Variants in DGKI observed in about 807,000 individuals in gnomAD.
DGKI encodes DAG kinase iota.
A neutral mutation model predicts 147.5 loss-of-function variants in DGKI; 55 were observed. The ratio of observed to expected loss-of-function variants is 0.37; its 90% CI spans 0.30 to 0.47. The LOEUF (loss-of-function observed/expected upper bound fraction) is 0.47. Among genes scored for constraint, DGKI ranks in the 20% least tolerant of loss-of-function variants. DGKI has a pLI of 1.00. For missense variants in DGKI, 1,007 were observed against 1,323.8 expected, an observed-to-expected ratio of 0.76 and a Z score of 3.71; for synonymous variants, 469 against 477.1, an observed-to-expected ratio of 0.98 and a Z score of 0.22.
intron 28 of DGKI, among the ~76,000 whole-genome samples, chr7:137,416,583 C>G (rs1254056155): frequency 6.6e-6 from 1 of 152,128 alleles, no homozygotes; most frequent in African/African-American, 2.4e-5. Context: ...ATTTTATTCT[C>G]CTGGTGATGA....
chr7:137,514,355 C>G (rs560823525), intron 21 of DGKI, among the ~76,000 whole-genome samples: 8 of 152,154 alleles, frequency 5.3e-5, no homozygotes, highest in African/African-American at 1.9e-4. Context: ...TATTTGCACA[C>G]GAATCCTCTC....
At chr7:137,391,423 A>G in intron 32 of DGKI, 87 bp from the exon 33 acceptor site, 2 of 953,218 alleles carry the variant, frequency 2.1e-6, no homozygotes, top group South Asian at 1.6e-5. Context: ...AAAACAAAAC[A>G]AAACAAAAAT....
intron 20 of DGKI, among the ~76,000 whole-genome samples, chr7:137,536,536 A>G (rs1257296088): frequency 3.3e-5 from 5 of 152,170 alleles, no homozygotes; most frequent in African/African-American, 1.2e-4. Context: ...CTCATGTTAC[A>G]GATTTTTGGA....
intron 3 of DGKI, among the ~76,000 whole-genome samples, chr7:137,660,218 G>A (rs892593787): frequency 3.9e-5 from 6 of 152,098 alleles, no homozygotes; most frequent in African/African-American, 1.4e-4. Context: ...TGTGTGGTAC[G>A]GGGTGGGCAG....
intron 10 of DGKI, among the ~76,000 whole-genome samples, chr7:137,605,164 C>T (rs1820132390): frequency 6.6e-6 from 1 of 151,884 alleles, no homozygotes; most frequent in East Asian, 1.9e-4. Context: ...AGAAATTAGC[C>T]TGGTGTGGTG....
chr7:137,657,037 C>A (rs1306145082), intron 3 of DGKI, among the ~76,000 whole-genome samples: 1 of 152,230 alleles, frequency 6.6e-6, no homozygotes, highest in Non-Finnish European at 1.5e-5. Context: ...TTTTAGGCTT[C>A]TATCCCAGGC....
chr7:137,725,531 G>C, intron 1 of DGKI, among the ~76,000 whole-genome samples: 1 of 151,076 alleles, frequency 6.6e-6, no homozygotes, highest in Admixed American at 6.6e-5. Flanking sequence ...TGTCCTCTCA[G>C]CATGAAAAAG....
At chr7:137,725,496 T>A (rs946562885) in intron 1 of DGKI, among the ~76,000 whole-genome samples, 1 of 151,842 alleles carries the variant, frequency 6.6e-6, no homozygotes, top group Admixed American at 6.6e-5. Context: ...CACAAGACGA[T>A]AAAGCCTTGG....
chr7:137,769,947 A>T (rs1796132353), intron 1 of DGKI, among the ~76,000 whole-genome samples: 1 of 152,202 alleles, frequency 6.6e-6, no homozygotes, highest in African/African-American at 2.4e-5. Context: ...CAGAAATACC[A>T]TTGGACCCAG....
intron 20 of DGKI, 111 bp downstream of exon 20, chr7:137,552,258 T>C (rs1646371): frequency 0.043 from 48,996 of 1,126,460 alleles, 4,398 homozygotes; most frequent in African/African-American, 0.3. Context: ...CTGAGTCTCC[T>C]GGACTTTTTT....
intron 32 of DGKI, among the ~76,000 whole-genome samples, chr7:137,392,986 T>C (rs554234021): frequency 2.3e-4 from 35 of 152,326 alleles, no homozygotes; most frequent in Admixed American, 7.2e-4. Flanking sequence ...GTAAGACCTC[T>C]AGAATATAAC....
intron 30 of DGKI, among the ~76,000 whole-genome samples, chr7:137,405,249 T>C (rs1279806426): frequency 2.6e-5 from 1 of 38,522 alleles, no homozygotes; most frequent in African/African-American, 4.9e-5. Flanking sequence ...ATTGTTATCA[T>C]TTTTTTTTCT....
intron 23 of DGKI, among the ~76,000 whole-genome samples, chr7:137,471,475 T>A (rs554029408): frequency 6.6e-6 from 1 of 152,158 alleles, no homozygotes. Flanking sequence ...TACTTGATCC[T>A]CAAATAAAGC....
rs181705542 is a variant in DGKI at position 137,645,822 on chromosome 7, C to G, written c.739-285G>C. Among the ~76,000 whole-genome samples, 11 of 152,208 alleles carry G rather than the reference C, an allele frequency of 7.2e-5. No homozygotes were observed. The East Asian group carries it at 2.1e-3, about 29-fold the overall frequency. On this transcript the variant is annotated intron_variant, in intron 5 of 32. Transcript: ENST00000614521. ...AAACCATCATCTAAGCCCAGATGAG[C>G]CCAGAAACAAATATTTATGGGTATG...
chr7:137,846,506 C>G lies in DGKI; in HGVS notation c.357G>C (p.Glu119Asp). 1 of 1,588,800 alleles carries G rather than the reference C, an allele frequency of 6.3e-7. No individual in the cohort carries two copies. The highest frequency in any genetic ancestry group is 8.5e-7 in the Non-Finnish European group (1 of 1,170,498). ...GGAAAGTTAAGTTCCTCAGCTTCTCCTCCAGCGCTTCGTCCTTCTCCTTCT... is the reference window on the plus strand; with the variant it reads ...GGAAAGTTAAGTTCCTCAGCTTCTCGTCCAGCGCTTCGTCCTTCTCCTTCT... ...AGQKEKDEAL[E>D]EKLRNLTFRK... Residue 119 changes from glutamate (E) to aspartate (D), a missense_variant, in exon 1 of 33, where the codon GAG becomes GAC. Coordinates refer to ENST00000614521, the MANE Select transcript of DGKI (RefSeq NM_001321708.2). The surrounding 1 kb of genome is among the most constrained non-coding windows in gnomAD (Gnocchi z 4.0).
intron 1 of DGKI, among the ~76,000 whole-genome samples, chr7:137,709,363 T>C (rs1049520669): frequency 1.3e-5 from 2 of 152,110 alleles, no homozygotes; most frequent in African/African-American, 4.8e-5. Flanking sequence ...CATACATTTA[T>C]ATGTAAACAC....
intron 7 of DGKI, 117 bp from the exon 8 acceptor site, chr7:137,620,057 A>C: frequency 3.0e-6 from 2 of 666,312 alleles, no homozygotes; most frequent in Non-Finnish European, 5.3e-6. Context: ...ACACACACTC[A>C]TTACATGCAC....
chr7:137,842,297 A>G (rs1455081658), intron 1 of DGKI, among the ~76,000 whole-genome samples: 3 of 152,228 alleles, frequency 2.0e-5, no homozygotes, highest in Non-Finnish European at 2.9e-5. Context: ...TTCTTGTAAT[A>G]ACACAACCTT....
chr7:137,766,515 G>C (rs79520698), intron 1 of DGKI, among the ~76,000 whole-genome samples: 3,873 of 152,234 alleles, frequency 0.025, 188 homozygotes, highest in African/African-American at 0.089. Flanking sequence ...ATCTCAAAGA[G>C]CAAAACCAAG....
Sources: gnomAD v4.1 joint callset for allele counts (sites outside exome capture counted in the v4.1 genomes callset) on GRCh38, gnomAD v4.1.1 for gene constraint, Gnocchi (gnomAD v3.1) non-coding constraint, MANE v1.5 for transcripts, NCBI Gene and HGNC (gene_info 2026-07-23, HGNC 2026-07-21) for gene names.